COL11A1: variants seen among roughly 807,000 people sequenced by gnomAD.
COL11A1 encodes the protein collagen alpha-1(XI) chain.
In COL11A1, 74 loss-of-function variants were observed where a neutral mutation model predicts 265.2. That is an observed-to-expected ratio of 0.28 (90% CI 0.23 to 0.34). The LOEUF is 0.34. COL11A1 is among the 10% of genes least tolerant of loss of function. COL11A1 has a pLI of 1.00. For synonymous variants in COL11A1, 816 were observed against 727.6 expected (o/e 1.12, Z -1.96); for missense variants, 2,165 against 2,263.6 (o/e 0.96, Z 0.88).
intron 41 of COL11A1, among the ~76,000 whole-genome samples, chr1:102,952,740 T>C (rs994307127): frequency 1.3e-4 from 20 of 152,306 alleles, no homozygotes; most frequent in Middle Eastern, 3.4e-3. Flanking sequence ...TATATATCTA[T>C]AAATGAAAAG....
intron 46 of COL11A1, among the ~76,000 whole-genome samples, chr1:102,931,271 C>A (rs1286829975): frequency 1.3e-5 from 2 of 151,302 alleles, no homozygotes; most frequent in Admixed American, 6.6e-5. Context: ...TGAATGCGTC[C>A]CAGAGATTCT....
At chr1:102,932,280 C>T (rs1245851629) in intron 46 of COL11A1, among the ~76,000 whole-genome samples, 1 of 151,990 alleles carries the variant, frequency 6.6e-6, no homozygotes, top group Non-Finnish European at 1.5e-5. Context: ...TCTTTTAGGG[C>T]AGGCCTGGTG....
At chr1:103,059,722 G>T (rs1415219949) in intron 4 of COL11A1, among the ~76,000 whole-genome samples, 3 of 152,016 alleles carry the variant, frequency 2.0e-5, no homozygotes, top group Non-Finnish European at 4.4e-5. Context: ...CACCATAATT[G>T]AAATGAAGCA....
intron 25 of COL11A1, among the ~76,000 whole-genome samples, chr1:102,997,549 C>T (rs763507399): frequency 2.6e-5 from 4 of 151,726 alleles, no homozygotes; most frequent in Admixed American, 1.3e-4. Context: ...GAAAATACAG[C>T]GAGATCATAA....
chr1:103,108,001 A>G, intron 1 of COL11A1, 72 bp downstream of exon 1: 2 of 1,081,774 alleles, frequency 1.8e-6, no homozygotes, highest in East Asian at 4.8e-5. Flanking sequence ...GGAAGGGTAA[A>G]GTGGGGGGAG....
At chr1:102,991,455 T>C (rs1664122679) in intron 28 of COL11A1, among the ~76,000 whole-genome samples, 1 of 129,388 alleles carries the variant, frequency 7.7e-6, no homozygotes, top group South Asian at 2.6e-4. Context: ...GATCTAGCCC[T>C]TCTTCACTTC....
chr1:102,907,163 C>A (rs1654080553), intron 54 of COL11A1, among the ~76,000 whole-genome samples: 1 of 152,000 alleles, frequency 6.6e-6, no homozygotes, highest in African/African-American at 2.4e-5. Flanking sequence ...TGCATAGTCA[C>A]CACCGTTCTC....
chr1:103,035,177 C>A lies in COL11A1; in HGVS notation c.652-3933G>T, dbSNP rs186452339. On this transcript the variant is annotated intron_variant, in intron 4 of 66. Transcript: ENST00000370096. ...AAATAGCAGGGCCTTCTCCTCAGGTCTTTCCTGGACAGTCACACAGGTATC... is the reference window on the plus strand; with the variant it reads ...AAATAGCAGGGCCTTCTCCTCAGGTATTTCCTGGACAGTCACACAGGTATC... 1.3e-3 allele frequency among the ~76,000 whole-genome samples: 200 copies of A among 152,152 alleles called. 1 individual carries two copies. The highest frequency in any genetic ancestry group is 4.6e-3 in the African/African-American group (191 of 41,556).
intron 41 of COL11A1, 59 bp from the exon 42 acceptor site, chr1:102,947,015 C>A: frequency 7.4e-7 from 1 of 1,352,498 alleles, no homozygotes; most frequent in South Asian, 1.2e-5. Flanking sequence ...GCTTAAGAAT[C>A]ACTTATTTAA....
chr1:103,012,275 T>C (rs1666196169), intron 14 of COL11A1, 138 bp downstream of exon 14: 2 of 670,450 alleles, frequency 3.0e-6, no homozygotes, highest in South Asian at 1.9e-5. Flanking sequence ...AAGGATTTTT[T>C]TAATGGAAAC....
At chr1:103,095,072 T>A (rs938148374) in intron 1 of COL11A1, among the ~76,000 whole-genome samples, 2 of 152,068 alleles carry the variant, frequency 1.3e-5, no homozygotes, top group African/African-American at 4.8e-5. Context: ...TGAATTAACA[T>A]GCATAGTGTC....
intron 4 of COL11A1, among the ~76,000 whole-genome samples, chr1:103,070,054 C>A (rs1671457190): frequency 6.6e-6 from 1 of 151,298 alleles, no homozygotes; most frequent in South Asian, 2.1e-4. Flanking sequence ...ATGCATTCCA[C>A]ATCTAGGTAT....
chr1:103,015,817 C>T lies in COL11A1; in HGVS notation c.1414-75G>A, dbSNP rs138397032. 214 of 1,098,106 alleles carry T rather than the reference C, an allele frequency of 1.9e-4. No homozygotes were observed. In the East Asian group the frequency reaches 3.7e-3, roughly 19 times the overall value. 68.0% of individuals were successfully genotyped at this position (1,098,106 alleles called of 1,614,324 possible). ...TTACTAGAACTAGAATAACTTATAACGTAAGTCTACTTTATCTAATTTGCA... is the reference window on the plus strand; with the variant it reads ...TTACTAGAACTAGAATAACTTATAATGTAAGTCTACTTTATCTAATTTGCA... On this transcript the variant is annotated intron_variant, in intron 11 of 66. Transcript: ENST00000370096.
In COL11A1 at chr1:102,907,790, C is replaced by A. The variant is rs551212341; in HGVS notation, c.4086+4369G>T. ...GTAGTGCATTTATTTTATTAGCATA[C>A]AAAATTTTAGTTTATTAATATACTT... is the stretch of plus-strand genomic sequence containing the variant. On this transcript the variant is annotated intron_variant, in intron 54 of 66. Coordinates refer to ENST00000370096, the MANE Select transcript of COL11A1 (RefSeq NM_001854.4). Among the ~76,000 whole-genome samples the A allele has an allele frequency of 3.4e-4, 51 of 152,018 alleles. No individual in the cohort carries two copies. In the South Asian group the frequency reaches 0.011, roughly 32 times the overall value.
chr1:102,890,374 A>AT (rs1651592050), intron 58 of COL11A1, 77 bp downstream of exon 58: 2 of 1,319,548 alleles, frequency 1.5e-6, no homozygotes, highest in East Asian at 5.1e-5. Context: ...CTTTTGAATG[A>AT]TTTTAATCTG....
chr1:103,009,079 A>G (rs559292755), intron 14 of COL11A1, among the ~76,000 whole-genome samples: 12 of 152,334 alleles, frequency 7.9e-5, no homozygotes, highest in African/African-American at 2.9e-4. Context: ...TTCCCATGAG[A>G]ATAAGTCTGT....
At chr1:103,108,010 A>C in intron 1 of COL11A1, 63 bp downstream of exon 1, 5 of 1,034,286 alleles carry the variant, frequency 4.8e-6, no homozygotes, top group Non-Finnish European at 7.2e-6. Flanking sequence ...AAGTGGGGGG[A>C]GGGGCGCAGA....
Position 103,063,384 on chromosome 1 carries a change from T to C in COL11A1, c.651+11234A>G, listed in dbSNP as rs550770261. Among the ~76,000 whole-genome samples the C allele has an allele frequency of 2.6e-5, 4 of 152,188 alleles. No individual in the cohort carries two copies. In the South Asian group the frequency reaches 8.3e-4, roughly 32 times the overall value. On this transcript the variant is annotated intron_variant, in intron 4 of 66. Transcript: ENST00000370096. ...AGAACTGATAAGTAGATCAATGGAA[T>C]AGAATAAAGATCCTAGAAAAAGATC...
rs576760700 is a variant in COL11A1 at position 103,023,501 on chromosome 1, G to A, written c.991-505C>T. Among the ~76,000 whole-genome samples the A allele has an allele frequency of 2.0e-5, 3 of 151,994 alleles. No individual in the cohort carries two copies. The South Asian group carries it at 6.2e-4, about 32-fold the overall frequency. On this transcript the variant is annotated intron_variant, in intron 7 of 66. Coordinates refer to ENST00000370096, the MANE Select transcript of COL11A1 (RefSeq NM_001854.4). ...GCCTCCCGAGTAGCTAGGATTACAG[G>A]CATGCACCACCATGCCTGGGTAATT...
Sources: gnomAD v4.1 joint callset for allele counts (sites outside exome capture counted in the v4.1 genomes callset) on GRCh38, gnomAD v4.1.1 for gene constraint, MANE v1.5 for transcripts, NCBI Gene and HGNC (gene_info 2026-07-23, HGNC 2026-07-21) for gene names.